ANK1: variants seen among roughly 807,000 people sequenced by gnomAD.
ANK1 encodes the protein ankyrin-1.
ANK1 carries 51 observed loss-of-function variants against 210.4 expected under a neutral mutation model. The ratio of observed to expected loss-of-function variants is 0.24; its 90% CI spans 0.19 to 0.31. The LOEUF (loss-of-function observed/expected upper bound fraction) is 0.31, where lower values mean the gene tolerates loss of function less well. Ranked by LOEUF, ANK1 falls within the 10% of genes least tolerant of loss-of-function variation. The probability of loss-of-function intolerance (pLI) is 1.00; values close to 1 mark genes in which losing one functional copy is unlikely to be tolerated. For synonymous variants in ANK1, 967 were observed against 1,025.9 expected (o/e 0.94, Z 1.10); for missense variants, 2,051 against 2,504.4 (o/e 0.82, Z 3.86).
intron 1 of ANK1, among the ~76,000 whole-genome samples, chr8:41,864,571 G>A (rs922773498): frequency 2.0e-5 from 3 of 152,048 alleles, no homozygotes; most frequent in Admixed American, 6.6e-5. Context: ...AACCAAACTC[G>A]GCTTCCTTGT....
Position 41,771,754 on chromosome 8 carries a change from G to C in ANK1, c.28-13617C>G, listed in dbSNP as rs1026964293. 3.3e-5 allele frequency among the ~76,000 whole-genome samples: 5 copies of C among 152,322 alleles called. No individual in the cohort carries two copies. The East Asian group carries it at 9.6e-4, about 29-fold the overall frequency. ...GGCCACATGCAGCTATGCCAAGCAG[G>C]GATGATGTGGGAGAGAAGAAAGGGA... On this transcript the variant is annotated intron_variant, in intron 1 of 42. Coordinates refer to ENST00000289734, the MANE Select transcript of ANK1 (RefSeq NM_000037.4).
chr8:41,663,161 T>A (rs1249787631), intron 40 of ANK1, among the ~76,000 whole-genome samples: 4 of 151,846 alleles, frequency 2.6e-5, no homozygotes, highest in Admixed American at 6.6e-5. Flanking sequence ...TTTTTTAAAA[T>A]TTTTTTTAGA....
chr8:41,725,848 C>G lies in ANK1; in HGVS notation c.525G>C (p.Pro175=). 6.2e-7 allele frequency: 1 copy of G among 1,611,954 alleles called. No homozygotes were observed. Among genetic ancestry groups the G allele is most frequent in the Non-Finnish European group, 8.5e-7 (1 of 1,179,516 alleles). ...CGTTGCGGGCCGCGATGTGCAGGGC[C>G]GGGAGGCGCACCTTCCCCTTGGTGC... ...NYGTKGKVRL[P]ALHIAARNDD... Residue 175 remains proline (P), a synonymous_variant, in exon 6 of 43, where the codon CCG becomes CCC. Coordinates refer to ENST00000289734, the MANE Select transcript of ANK1 (RefSeq NM_000037.4).
chr8:41,765,176 TTC>T (rs1491036315), intron 1 of ANK1, among the ~76,000 whole-genome samples: 2 of 106,898 alleles, frequency 1.9e-5, no homozygotes, highest in Non-Finnish European at 4.5e-5. Context: ...TTCTTTTCCT[TTC>T]TTTCTTTCTT....
intron 3 of ANK1, among the ~76,000 whole-genome samples, chr8:41,732,545 T>C (rs1455174508): frequency 6.6e-6 from 1 of 151,868 alleles, no homozygotes; most frequent in East Asian, 1.9e-4. Context: ...CCCGAGTAGC[T>C]GGGATTACAG....
chr8:41,679,650 C>T (rs543541349), intron 37 of ANK1, among the ~76,000 whole-genome samples: 53 of 149,466 alleles, frequency 3.5e-4, no homozygotes, highest in Admixed American at 6.7e-4. Context: ...GCAAGCTCCG[C>T]CTCCCGGGTT....
intron 1 of ANK1, among the ~76,000 whole-genome samples, chr8:41,883,163 G>A (rs770735834): frequency 4.6e-5 from 7 of 152,302 alleles, no homozygotes; most frequent in South Asian, 4.1e-4. Context: ...GTGTGGCCCC[G>A]GGCACTTCAT....
intron 25 of ANK1, 27 bp from the exon 26 acceptor site, chr8:41,696,614 G>C: frequency 6.2e-7 from 1 of 1,612,584 alleles, no homozygotes; most frequent in Non-Finnish European, 8.5e-7. Context: ...TGCACGTTGG[G>C]CTTCTGCATC....
intron 2 of ANK1, among the ~76,000 whole-genome samples, chr8:41,756,978 T>TA (rs1451128286): frequency 6.6e-6 from 1 of 152,274 alleles, no homozygotes; most frequent in East Asian, 1.9e-4. Flanking sequence ...GTGAGGTCCC[T>TA]ATAGTAGTAA....
intron 1 of ANK1, among the ~76,000 whole-genome samples, chr8:41,878,297 C>T (rs753744956): frequency 2.6e-5 from 4 of 152,128 alleles, no homozygotes; most frequent in South Asian, 4.1e-4. Context: ...GGGCAGGGGA[C>T]GATCACACCC....
intron 3 of ANK1, among the ~76,000 whole-genome samples, chr8:41,729,896 C>G (rs1831679102): frequency 6.6e-6 from 1 of 152,196 alleles, no homozygotes; most frequent in African/African-American, 2.4e-5. Context: ...CAGGGGCGGG[C>G]AGCCTCCACT....
chr8:41,711,947 CAG>C (rs1278671374), intron 16 of ANK1, among the ~76,000 whole-genome samples: 1 of 150,204 alleles, frequency 6.7e-6, no homozygotes, highest in African/African-American at 2.5e-5. Context: ...TTTTTTTAGA[CAG>C]AGTCTCGCTC....
chr8:41,873,450 C>A (rs1815941425), intron 1 of ANK1, among the ~76,000 whole-genome samples: 1 of 152,220 alleles, frequency 6.6e-6, no homozygotes, highest in South Asian at 2.1e-4. Context: ...TCACAATAAG[C>A]CTCCAAGTCA....
intron 1 of ANK1, among the ~76,000 whole-genome samples, chr8:41,839,400 C>G (rs1808419918): frequency 6.6e-6 from 1 of 152,252 alleles, no homozygotes; most frequent in Non-Finnish European, 1.5e-5. Context: ...TCTCCGCCCA[C>G]TCATTACACC....
At chr8:41,813,190 T>C (rs1348889119) in intron 1 of ANK1, among the ~76,000 whole-genome samples, 1 of 152,218 alleles carries the variant, frequency 6.6e-6, no homozygotes, top group Non-Finnish European at 1.5e-5. Flanking sequence ...GCGATCTAAG[T>C]GGCCCACAGG....
chr8:41,868,312 A>G (rs901888376), intron 1 of ANK1, among the ~76,000 whole-genome samples: 1 of 149,902 alleles, frequency 6.7e-6, no homozygotes, highest in Admixed American at 6.6e-5. Flanking sequence ...GCCTCTACCT[A>G]CTAGGTGCTG....
intron 1 of ANK1, among the ~76,000 whole-genome samples, chr8:41,838,719 C>T (rs1340158263): frequency 2.0e-5 from 3 of 151,366 alleles, no homozygotes; most frequent in Non-Finnish European, 4.4e-5. Context: ...GAGCCTGGAT[C>T]GTACCATTGC....
intron 29 of ANK1, 41 bp downstream of exon 29, chr8:41,693,857 G>A: frequency 6.4e-7 from 1 of 1,565,208 alleles, no homozygotes; most frequent in Non-Finnish European, 8.7e-7. Flanking sequence ...CAGACGCACT[G>A]CAGCAGCCGA....
intron 1 of ANK1, among the ~76,000 whole-genome samples, chr8:41,771,680 C>T (rs1051624629): frequency 1.3e-5 from 2 of 152,198 alleles, no homozygotes; most frequent in Non-Finnish European, 2.9e-5. Context: ...TCTCTGCAGA[C>T]AAGCATAATG....
Sources: gnomAD v4.1 joint callset for allele counts (sites outside exome capture counted in the v4.1 genomes callset) on GRCh38, gnomAD v4.1.1 for gene constraint, MANE v1.5 for transcripts, NCBI Gene and HGNC (gene_info 2026-07-23, HGNC 2026-07-21) for gene names.